Variants in SETD1A observed in about 807,000 individuals in gnomAD.
SETD1A encodes the protein histone-lysine N-methyltransferase SETD1A.
Under a neutral mutation model 149.9 loss-of-function variants are expected in SETD1A, and 29 were observed. The observed-to-expected ratio is 0.19, with a 90% CI of 0.14 to 0.26. The LOEUF (loss-of-function observed/expected upper bound fraction) is 0.26. Ranked by LOEUF, SETD1A falls within the 10% of genes least tolerant of loss-of-function variation. The pLI is 1.00. For synonymous variants in SETD1A, 1,141 were observed against 968.5 expected (o/e 1.18, Z -3.31); for missense variants, 2,109 against 2,353.1 (o/e 0.90, Z 2.15).
chr16:30,980,392 C>A lies in SETD1A; in HGVS notation c.4409-93C>A. 6.7e-7 allele frequency: 1 copy of A among 1,497,636 alleles called. No homozygotes were observed. The highest frequency in any genetic ancestry group is 9.0e-7 in the Non-Finnish European group (1 of 1,110,382). The allele number at this position is 1,497,636 out of a possible 1,614,324, so 92.8% of individuals were successfully genotyped here. A position where few individuals can be genotyped will look rare whatever the true frequency, so the allele number is the denominator to read the frequency against. ...TGGGGCTTCCTCCCCTGTCCCTCAC[C>A]TGGGTATGCTCAGCGGCGTGGGCCC... On this transcript the variant is annotated intron_variant, in intron 14 of 18. Coordinates refer to ENST00000262519, the MANE Select transcript of SETD1A (RefSeq NM_014712.3). This position sits in a 1 kb window ranked among gnomAD's most constrained non-coding sequence, Gnocchi z 7.7.
In SETD1A at chr16:30,969,365, G is replaced by A. The variant is rs564891969; in HGVS notation, c.2831G>A (p.Arg944Gln). The A allele has an allele frequency of 5.0e-5, 81 of 1,614,192 alleles. 1 individual carries two copies. The Admixed American group carries it at 1.1e-3, about 23-fold the overall frequency. Reference protein sequence around the residue: ...PGRPGTKPPKRDEERGKTQGK... With the variant: ...PGRPGTKPPKQDEERGKTQGK... ...CGTCCGGGGACCAAGCCCCCGAAGC[G>A]GGACGAAGAGCGAGGCAAGACCCAG... Residue 944 changes from arginine to glutamine, a missense_variant, in exon 11 of 19, where the codon CGG becomes CAG. Coordinates refer to ENST00000262519, the MANE Select transcript of SETD1A (RefSeq NM_014712.3).
rs775694260 is a variant in SETD1A, at chr16:30,980,484, C to G, written c.4409-1C>G. The G allele has an allele frequency of 6.2e-7, 1 of 1,612,528 alleles. No individual in the cohort carries two copies. The highest frequency in any genetic ancestry group is 8.5e-7 in the Non-Finnish European group (1 of 1,179,120). On this transcript the variant is annotated splice_acceptor_variant, in intron 14 of 18. Transcript: ENST00000262519. LOFTEE classifies it high-confidence loss of function. This position sits in a 1 kb window ranked among gnomAD's most constrained non-coding sequence, Gnocchi z 7.7. Reference sequence around the variant, plus strand: ...CCGTTCTCTTCCTTAACACCCTGCACTCACCAACCTGACCACCCCAAAACG... The same window carrying G: ...CCGTTCTCTTCCTTAACACCCTGCAGTCACCAACCTGACCACCCCAAAACG...
chr16:30,980,724 C>A lies in SETD1A; in HGVS notation c.4582-15C>A. On this transcript the variant is annotated splice_polypyrimidine_tract_variant and intron_variant, in intron 15 of 18. Coordinates refer to ENST00000262519, the MANE Select transcript of SETD1A (RefSeq NM_014712.3). This position sits in a 1 kb window ranked among gnomAD's most constrained non-coding sequence, Gnocchi z 7.7. ...CCCTGCCCTGCTCACCTCCTCCCTG[C>A]CGTGTGTCTCACAGGGGACGAACCG... 1 of 1,611,592 alleles carries A rather than the reference C, an allele frequency of 6.2e-7. No homozygotes were observed. Among genetic ancestry groups the A allele is most frequent in the Non-Finnish European group, 8.5e-7 (1 of 1,179,296 alleles).
In SETD1A at chr16:30,966,186, G is replaced by A; in HGVS notation, c.2305G>A (p.Ala769Thr). The A allele has an allele frequency of 1.2e-6, 2 of 1,612,158 alleles. No individual in the cohort carries two copies. Among genetic ancestry groups the A allele is most frequent in the Non-Finnish European group, 8.5e-7 (1 of 1,179,272 alleles). The change falls in exon 8 of 19, where the codon GCC (alanine) becomes ACC (threonine). Residue 769 changes from alanine (A) to threonine (T), a missense_variant. Physicochemically the swap from Ala to Thr is moderately conservative, Grantham distance 58 (BLOSUM62 0). Transcript: ENST00000262519. ...CTCCTCCTCAGTCTCGGGAGAGGAG[G>A]CCCGGCTGCCACCCAGGGAAGAAGC... ...LPSSSVSGEEARLPPREEAEL... is the reference protein window; with the variant it reads ...LPSSSVSGEETRLPPREEAEL...
At chr16:30,968,131 G>A (rs1207897139) in intron 10 of SETD1A, among the ~76,000 whole-genome samples, 3 of 152,158 alleles carry the variant, frequency 2.0e-5, no homozygotes, top group South Asian at 4.1e-4. Context: ...TGGGCTGGGC[G>A]CAGTGGCTCC....
chr16:30,967,208 C>T (rs893673826), intron 9 of SETD1A, 148 bp downstream of exon 9: 3 of 670,530 alleles, frequency 4.5e-6, no homozygotes, highest in Admixed American at 6.1e-5. Context: ...GGCTGGAGTG[C>T]AGTGGCCTGA....
chr16:30,980,059 A>T lies in SETD1A; in HGVS notation c.4273A>T (p.Thr1425Ser). The T allele has an allele frequency of 6.3e-7, 1 of 1,582,734 alleles. No individual in the cohort carries two copies. The highest frequency in any genetic ancestry group is 1.1e-5 in the South Asian group (1 of 90,536). The part of the protein sequence containing the change: ...YEPRSEFEQM[T>S]ILYDIWNSGL... ...GCCACGCAGTGAGTTTGAACAGATGACCATCCTGTATGACATTTGGAACTC... is the reference window on the plus strand; with the variant it reads ...GCCACGCAGTGAGTTTGAACAGATGTCCATCCTGTATGACATTTGGAACTC... Residue 1425 changes from threonine to serine, a missense_variant, in exon 14 of 19, where the codon ACC becomes TCC. Thr to Ser is a moderately conservative substitution (Grantham distance 58). Coordinates refer to ENST00000262519, the MANE Select transcript of SETD1A (RefSeq NM_014712.3). The surrounding 1 kb of genome is among the most constrained non-coding windows in gnomAD (Gnocchi z 7.7).
At position 30,983,620 on chromosome 16, in the gene SETD1A, A is replaced by C; in HGVS notation, c.4813-15A>C. ...TGGGGGACTCTTCCCTGACCATCGC[A>C]TCTCACCCTGGCAGATGGTGGCCGA... On this transcript the variant is annotated splice_polypyrimidine_tract_variant and intron_variant, in intron 17 of 18. Coordinates refer to ENST00000262519, the MANE Select transcript of SETD1A (RefSeq NM_014712.3). This position sits in a 1 kb window ranked among gnomAD's most constrained non-coding sequence, Gnocchi z 6.8. The C allele has an allele frequency of 6.2e-7, 1 of 1,609,700 alleles. No individual in the cohort carries two copies. Among genetic ancestry groups the C allele is most frequent in the Non-Finnish European group, 8.5e-7 (1 of 1,178,890 alleles).
intron 17 of SETD1A, among the ~76,000 whole-genome samples, chr16:30,982,534 A>G (rs1483478987): frequency 6.6e-6 from 1 of 151,812 alleles, no homozygotes; most frequent in Non-Finnish European, 1.5e-5. Flanking sequence ...AAACAGGGTC[A>G]GTGGCAGCGA....
rs2056100631 is a variant in SETD1A, at chr16:30,964,249, T to G, written c.795T>G (p.Pro265=). ...CATCTTCCTTTGGCCAGTTCACACC[T>G]CAGTCCTCCCAAGGAACCCCCTACA... The part of the protein sequence containing the change: ...DTPSSFGQFT[P]QSSQGTPYTS... The change falls in exon 6 of 19, where the codon CCT becomes CCG. Residue 265 remains proline (P), a synonymous_variant. Coordinates refer to ENST00000262519, the MANE Select transcript of SETD1A (RefSeq NM_014712.3). 1.2e-6 allele frequency: 2 copies of G among 1,613,670 alleles called. No homozygotes were observed. Among genetic ancestry groups the G allele is most frequent in the Non-Finnish European group, 1.7e-6 (2 of 1,179,892 alleles).
At position 30,964,656 on chromosome 16, in the gene SETD1A, A is replaced by G; in HGVS notation, c.914A>G (p.Tyr305Cys). The change falls in exon 7 of 19, where the codon TAC (tyrosine) becomes TGC (cysteine). Residue 305 changes from tyrosine to cysteine, a missense_variant. Coordinates refer to ENST00000262519, the MANE Select transcript of SETD1A (RefSeq NM_014712.3). ...AAGCCCCGGCGGTCAGAGAACAGCT[A>G]CCAAGATGCCTTTTCCCGCCGCCAC... ...SFKPRRSENS[Y>C]QDAFSRRHFS... 6.2e-7 allele frequency: 1 copy of G among 1,613,862 alleles called. No individual in the cohort carries two copies. Among genetic ancestry groups the G allele is most frequent in the Non-Finnish European group, 8.5e-7 (1 of 1,179,982 alleles).
At chr16:30,959,841 A>G (rs2056024888) in intron 3 of SETD1A, among the ~76,000 whole-genome samples, 1 of 151,750 alleles carries the variant, frequency 6.6e-6, no homozygotes, top group Non-Finnish European at 1.5e-5. Context: ...GATGACTTCC[A>G]AGTATCTGTT....
In SETD1A at chr16:30,983,727, C is replaced by T; in HGVS notation, c.4905C>T (p.Ala1635=). 6.2e-7 allele frequency: 1 copy of T among 1,614,160 alleles called. No homozygotes were observed. The highest frequency in any genetic ancestry group is 8.5e-7 in the Non-Finnish European group (1 of 1,180,004). ...TGGACCACGACACCATCATCGATGC[C>T]ACCAAGTGTGGCAACCTGGCCAGAT... ...FRVDHDTIID[A]TKCGNLARFI... is the part of the protein sequence containing the mutation. The change falls in exon 18 of 19, where the codon GCC becomes GCT. Residue 1635 remains alanine (A), a synonymous_variant. Coordinates refer to ENST00000262519, the MANE Select transcript of SETD1A (RefSeq NM_014712.3). This position sits in a 1 kb window ranked among gnomAD's most constrained non-coding sequence, Gnocchi z 6.8.
At chr16:30,972,374 C>T (rs1307972242) in intron 13 of SETD1A, among the ~76,000 whole-genome samples, 4 of 152,192 alleles carry the variant, frequency 2.6e-5, no homozygotes, top group Non-Finnish European at 4.4e-5. Context: ...CGGTGGCTTA[C>T]GCCTGTAATC....
At chr16:30,960,563 T>G (rs926329286) in intron 3 of SETD1A, among the ~76,000 whole-genome samples, 1 of 152,168 alleles carries the variant, frequency 6.6e-6, no homozygotes, top group Non-Finnish European at 1.5e-5. Context: ...TGTATGTGCA[T>G]GTCATGCTGC....
Position 30,966,088 on chromosome 16 carries a change from G to C in SETD1A, c.2207G>C (p.Gly736Ala). 1 of 1,591,902 alleles carries C rather than the reference G, an allele frequency of 6.3e-7. No individual in the cohort carries two copies. Among genetic ancestry groups the C allele is most frequent in the Non-Finnish European group, 8.6e-7 (1 of 1,167,506 alleles). Residue 736 changes from glycine to alanine, a missense_variant, in exon 8 of 19, where the codon GGG (glycine) becomes GCG (alanine). By Grantham distance (60) the Gly-to-Ala change is moderately conservative. Coordinates refer to ENST00000262519, the MANE Select transcript of SETD1A (RefSeq NM_014712.3). ...YGLPYALYAQ[G>A]QEGRGAYSRE... Reference sequence around the variant, plus strand: ...TTGCCGTATGCTCTATATGCACAGGGGCAGGAGGGCAGAGGGGCATACTCA... The same window carrying C: ...TTGCCGTATGCTCTATATGCACAGGCGCAGGAGGGCAGAGGGGCATACTCA...
At position 30,964,745 on chromosome 16, in the gene SETD1A, G is replaced by T; in HGVS notation, c.1003G>T (p.Ala335Ser). 1.2e-6 allele frequency: 2 copies of T among 1,614,164 alleles called. No homozygotes were observed. The highest frequency in any genetic ancestry group is 1.7e-6 in the Non-Finnish European group (2 of 1,180,014). The change falls in exon 7 of 19, where the codon GCC (alanine) becomes TCC (serine). Residue 335 changes from alanine (A) to serine (S), a missense_variant. Physicochemically the swap from Ala to Ser is moderately conservative, Grantham distance 99. Coordinates refer to ENST00000262519, the MANE Select transcript of SETD1A (RefSeq NM_014712.3). ...CATCGCCGCCACCACTGCAGCCACT[G>T]CCTCATCCTCCGCCTCTTCCTCCTC... ...TAIAATTAAT[A>S]SSSASSSSLS...
At chr16:30,969,158 T>G (rs1356328070) in intron 10 of SETD1A, 147 bp from the exon 11 acceptor site, 1 of 787,080 alleles carries the variant, frequency 1.3e-6, no homozygotes, top group Non-Finnish European at 2.0e-6. Context: ...CTGAGGTGTT[T>G]GAGTTCCTCT....
chr16:30,967,735 G>A, intron 10 of SETD1A, 147 bp downstream of exon 10: 3 of 669,368 alleles, frequency 4.5e-6, no homozygotes, highest in South Asian at 3.3e-5. Flanking sequence ...GAGAGGTATG[G>A]GATGCACCAG....
Sources: allele counts gnomAD v4.1 joint callset (sites outside exome capture counted in the v4.1 genomes callset), GRCh38; gene constraint gnomAD v4.1.1; non-coding constraint Gnocchi (gnomAD v3.1); transcripts MANE v1.5; gene names NCBI Gene and HGNC (gene_info 2026-07-23, HGNC 2026-07-21).